BRD9: variants seen among roughly 807,000 people sequenced by gnomAD.
BRD9 encodes the protein bromodomain containing 9.
A neutral mutation model predicts 68.7 loss-of-function variants in BRD9; 47 were observed. That is an observed-to-expected ratio of 0.68 (90% CI 0.54 to 0.87). The LOEUF is 0.87. Among genes scored for constraint, BRD9 ranks in the 40% least tolerant of loss-of-function variants. The probability of loss-of-function intolerance (pLI) is 0.00; values close to 1 mark genes in which losing one functional copy is unlikely to be tolerated. For missense variants in BRD9, 670 were observed against 748.4 expected (o/e 0.90, Z 1.22); for synonymous variants, 313 against 293.9 (o/e 1.06, Z -0.67).
intron 8 of BRD9, 142 bp downstream of exon 8, chr5:883,796 A>G: frequency 2.5e-6 from 3 of 1,196,212 alleles, no homozygotes; most frequent in Non-Finnish European, 3.5e-6. Flanking sequence ...TGTGTGTCTG[A>G]TCCGGACCTC....
Position 864,489 on chromosome 5 carries a change from A to G in BRD9, c.1773T>C (p.Pro591=). ...DPYEFLQSPE[P]AASAKT ...AGAGTTAGGTCTTGGCAGAGGCCGC[A>G]GGCTCTGGAGACTGAAGAAACTCAT... Residue 591 remains proline, a synonymous_variant, in exon 16 of 16, where the codon CCT becomes CCC. Transcript: ENST00000467963. 1 of 1,613,292 alleles carries G rather than the reference A, an allele frequency of 6.2e-7. No individual in the cohort carries two copies. Among genetic ancestry groups the G allele is most frequent in the Non-Finnish European group, 8.5e-7 (1 of 1,179,382 alleles).
chr5:889,892 A>C, intron 3 of BRD9: 1 of 607,712 alleles, frequency 1.6e-6, no homozygotes, highest in African/African-American at 1.9e-5. Context: ...TACATCAACA[A>C]TATGTGGTGA....
chr5:886,845 G>A (rs910206995), intron 6 of BRD9, 138 bp from the exon 7 acceptor site: 11 of 1,459,250 alleles, frequency 7.5e-6, no homozygotes, highest in Non-Finnish European at 1.0e-5. Context: ...GGATGGGATG[G>A]GGATGGTCAC....
At chr5:889,817 G>C in intron 3 of BRD9, 170 bp from the exon 4 acceptor site, 1 of 1,429,170 alleles carries the variant, frequency 7.0e-7, no homozygotes, top group South Asian at 1.2e-5. Flanking sequence ...ACCAAGCTCA[G>C]CCGGGTAGAA....
Position 884,117 on chromosome 5 carries a change from G to C in BRD9, c.834-47C>G, listed in dbSNP as rs375767512. The C allele has an allele frequency of 2.5e-6, 4 of 1,596,962 alleles. No homozygotes were observed. The South Asian group carries it at 3.3e-5, about 13-fold the overall frequency. On this transcript the variant is annotated intron_variant, in intron 7 of 15. Transcript: ENST00000467963. ...GTCACCTGGAGGCAGCGTCCCCACCGCACACCTGCTCCCCATGCGTCGGCA... is the reference window on the plus strand; with the variant it reads ...GTCACCTGGAGGCAGCGTCCCCACCCCACACCTGCTCCCCATGCGTCGGCA...
intron 15 of BRD9, 67 bp from the exon 16 acceptor site, chr5:864,635 A>G: frequency 2.8e-6 from 4 of 1,447,036 alleles, no homozygotes; most frequent in Non-Finnish European, 3.8e-6. Flanking sequence ...GGGCTCCTGG[A>G]GCCCAAGGTC....
rs151140446 is a variant in BRD9 at position 878,271 on chromosome 5, G to A, written c.1271+84C>T. The A allele has an allele frequency of 1.4e-4, 216 of 1,570,062 alleles. 4 individuals are homozygous for A. In the Middle Eastern group the frequency reaches 8.1e-3, roughly 59 times the overall value. On this transcript the variant is annotated intron_variant, in intron 11 of 15. Coordinates refer to ENST00000467963, the MANE Select transcript of BRD9 (RefSeq NM_023924.5). ...CTGCAAGATGGCTCTCTCCCCACCC[G>A]CACACATGTGGGACTCCACGTCCCA...
chr5:871,845 G>T (rs1177885755), intron 12 of BRD9, among the ~76,000 whole-genome samples: 1 of 152,252 alleles, frequency 6.6e-6, no homozygotes, highest in Non-Finnish European at 1.5e-5. Context: ...GGACGCCGAT[G>T]CTGTTTCGGC....
intron 7 of BRD9, among the ~76,000 whole-genome samples, chr5:886,363 G>A (rs988096813): frequency 2.0e-5 from 3 of 152,206 alleles, no homozygotes; most frequent in African/African-American, 7.2e-5. Flanking sequence ...TTGGGGGCAG[G>A]GGTGATCGGA....
At chr5:888,916 G>A (rs1752948944) in intron 5 of BRD9, 105 bp downstream of exon 5, 2 of 1,244,098 alleles carry the variant, frequency 1.6e-6, no homozygotes, top group Middle Eastern at 2.5e-4. Context: ...AGAAACACCT[G>A]TGAAAGCTCA....
At chr5:876,595 G>A (rs988399508) in intron 11 of BRD9, among the ~76,000 whole-genome samples, 10 of 152,332 alleles carry the variant, frequency 6.6e-5, no homozygotes, top group East Asian at 3.9e-4. Context: ...GAATGGGCGC[G>A]TGGGGCAGGG....
intron 5 of BRD9, 44 bp downstream of exon 5, chr5:888,977 A>G (rs530740641): frequency 1.3e-6 from 2 of 1,581,232 alleles, no homozygotes; most frequent in Non-Finnish European, 1.7e-6. Context: ...ACATGAATAC[A>G]CAGAACTATG....
At position 884,027 on chromosome 5, in the gene BRD9, T is replaced by C; in HGVS notation, c.877A>G (p.Ser293Gly). The C allele has an allele frequency of 6.2e-7, 1 of 1,613,906 alleles. No homozygotes were observed. Among genetic ancestry groups the C allele is most frequent in the Non-Finnish European group, 8.5e-7 (1 of 1,180,030 alleles). Residue 293 changes from serine (S) to glycine (G), a missense_variant, in exon 8 of 16, where the codon AGT (serine) becomes GGT (glycine). Physicochemically the swap from Ser to Gly is moderately conservative, Grantham distance 56. Coordinates refer to ENST00000467963, the MANE Select transcript of BRD9 (RefSeq NM_023924.5). ...GCCAGCACGTGCTCCTCTGCGGTAC[T>C]GTCCGTCAAGCTGCAGGCATTCCCT... is the stretch of plus-strand genomic sequence containing the variant. ...PEGNACSLTD[S>G]TAEEHVLALV...
At chr5:875,956 A>G in intron 12 of BRD9, 145 bp downstream of exon 12, 4 of 601,914 alleles carry the variant, frequency 6.6e-6, no homozygotes, top group Non-Finnish European at 1.2e-5. Flanking sequence ...CCGTGCAGAG[A>G]AGCACGCAGA....
intron 3 of BRD9, among the ~76,000 whole-genome samples, chr5:890,348 T>TGATGTCC (rs1170413586): frequency 1.3e-5 from 2 of 152,138 alleles, no homozygotes; most frequent in Non-Finnish European, 2.9e-5. Flanking sequence ...CCCCACTCCC[T>TGATGTCC]GATGTCCCAT....
At chr5:871,484 G>A in intron 13 of BRD9, 42 bp downstream of exon 13, 1 of 1,593,206 alleles carries the variant, frequency 6.3e-7, no homozygotes. Flanking sequence ...CTTTCCCTGT[G>A]AGAATAATAT....
At chr5:872,507 C>T (rs1750297133) in intron 12 of BRD9, among the ~76,000 whole-genome samples, 1 of 152,214 alleles carries the variant, frequency 6.6e-6, no homozygotes, top group South Asian at 2.1e-4. Flanking sequence ...GATTCTAACG[C>T]TGTGTTGGGG....
chr5:869,422 A>G (rs1185361270), intron 14 of BRD9: 2 of 453,644 alleles, frequency 4.4e-6, no homozygotes, highest in South Asian at 1.6e-5. Context: ...TTTTATCTCA[A>G]AATATATCCC....
At chr5:865,364 C>G in intron 15 of BRD9, 50 bp downstream of exon 15, 1 of 1,515,832 alleles carries the variant, frequency 6.6e-7, no homozygotes, top group Middle Eastern at 2.2e-4. Flanking sequence ...AGACGTCACA[C>G]TGACTGTGCT....
Sources: gnomAD v4.1 joint callset for allele counts (sites outside exome capture counted in the v4.1 genomes callset) on GRCh38, gnomAD v4.1.1 for gene constraint, MANE v1.5 for transcripts, NCBI Gene and HGNC (gene_info 2026-07-23, HGNC 2026-07-21) for gene names.